Variants in ARHGAP18 observed in about 807,000 individuals in gnomAD.
The protein encoded by ARHGAP18 is rho GTPase-activating protein 18.
Under a neutral mutation model 86.2 loss-of-function variants are expected in ARHGAP18, and 67 were observed. That is an observed-to-expected ratio of 0.78 (90% CI 0.64 to 0.95). ARHGAP18 has a LOEUF of 0.95. ARHGAP18 is among the 40% of genes least tolerant of loss of function. ARHGAP18 has a pLI of 0.00. For synonymous variants in ARHGAP18, 283 were observed against 280.4 expected, an observed-to-expected ratio of 1.01 and a Z score of -0.09; for missense variants, 691 against 780.4, an observed-to-expected ratio of 0.89 and a Z score of 1.37.
chr6:129,687,539 T>G (rs562457665), intron 1 of ARHGAP18, among the ~76,000 whole-genome samples: 3 of 152,278 alleles, frequency 2.0e-5, no homozygotes, highest in Admixed American at 2.0e-4. Flanking sequence ...CTTCATTCTC[T>G]TCCCAGAACA....
chr6:129,665,953 C>T (rs975963572), intron 1 of ARHGAP18, among the ~76,000 whole-genome samples: 8 of 152,128 alleles, frequency 5.3e-5, no homozygotes, highest in Admixed American at 3.9e-4. Flanking sequence ...CTTTTAATTA[C>T]AAGCTACAGA....
chr6:129,625,757 T>TATTTA (rs1189409739), intron 5 of ARHGAP18, among the ~76,000 whole-genome samples: 1 of 61,014 alleles, frequency 1.6e-5, no homozygotes. Context: ...ATATTATATA[T>TATTTA]TTATATATTA....
intron 1 of ARHGAP18, among the ~76,000 whole-genome samples, chr6:129,661,323 A>AT (rs1773946997): frequency 6.6e-6 from 1 of 150,992 alleles, no homozygotes; most frequent in African/African-American, 2.4e-5. Context: ...AAAAAAAAAA[A>AT]AAAAAAAGTG....
intron 1 of ARHGAP18, among the ~76,000 whole-genome samples, chr6:129,664,476 A>G (rs1584100846): frequency 1.3e-5 from 2 of 152,056 alleles, no homozygotes; most frequent in East Asian, 3.8e-4. Context: ...AAATAGAGGA[A>G]TTTTCCCAGG....
At chr6:129,589,943 G>C (rs573695612) in intron 12 of ARHGAP18, among the ~76,000 whole-genome samples, 25 of 152,264 alleles carry the variant, frequency 1.6e-4, no homozygotes, top group Non-Finnish European at 3.1e-4. Context: ...TAAGTCCAAG[G>C]GTCCAAACAT....
chr6:129,688,179 C>T (rs1041011391), intron 1 of ARHGAP18, among the ~76,000 whole-genome samples: 7 of 152,204 alleles, frequency 4.6e-5, no homozygotes, highest in African/African-American at 1.7e-4. Context: ...CGTCAGCATC[C>T]TTACATATCA....
chr6:129,599,655 C>G (rs531591595), intron 11 of ARHGAP18, among the ~76,000 whole-genome samples: 1 of 152,146 alleles, frequency 6.6e-6, no homozygotes, highest in South Asian at 2.1e-4. Flanking sequence ...GACTGGAGAC[C>G]CCCTGAGGTG....
intron 1 of ARHGAP18, among the ~76,000 whole-genome samples, chr6:129,706,111 C>T (rs895721048): frequency 6.6e-6 from 1 of 152,188 alleles, no homozygotes; most frequent in Admixed American, 6.5e-5. Context: ...GGTTACTTGA[C>T]ATTCATATTA....
intron 7 of ARHGAP18, among the ~76,000 whole-genome samples, chr6:129,612,886 T>A (rs1346133916): frequency 1.3e-5 from 2 of 152,074 alleles, no homozygotes; most frequent in Non-Finnish European, 2.9e-5. Context: ...GATTTATTAT[T>A]AGGAAAAGAG....
chr6:129,702,692 A>G (rs530069664), intron 1 of ARHGAP18, among the ~76,000 whole-genome samples: 13 of 152,302 alleles, frequency 8.5e-5, no homozygotes, highest in African/African-American at 3.1e-4. Context: ...GCTCTTGGAC[A>G]GAACAGAATC....
intron 1 of ARHGAP18, among the ~76,000 whole-genome samples, chr6:129,670,408 G>A (rs1243375177): frequency 6.6e-6 from 1 of 152,076 alleles, no homozygotes; most frequent in Non-Finnish European, 1.5e-5. Context: ...GTGGAAGATG[G>A]AGAAATTCTC....
At chr6:129,614,659 G>T (rs1789055273) in intron 7 of ARHGAP18, among the ~76,000 whole-genome samples, 1 of 152,048 alleles carries the variant, frequency 6.6e-6, no homozygotes, top group African/African-American at 2.4e-5. Flanking sequence ...GTATTTCTGT[G>T]GTGTGATGGT....
intron 1 of ARHGAP18, among the ~76,000 whole-genome samples, chr6:129,694,571 C>A (rs1325886376): frequency 6.6e-6 from 1 of 152,186 alleles, no homozygotes; most frequent in Non-Finnish European, 1.5e-5. Flanking sequence ...ACATACACAA[C>A]AAAACTCCCA....
intron 1 of ARHGAP18, chr6:129,661,950 C>T: frequency 2.0e-6 from 2 of 981,948 alleles, no homozygotes. Context: ...CCAGGTGACA[C>T]TGTTGTCACT....
chr6:129,630,341 T>C (rs1378184628), intron 4 of ARHGAP18, among the ~76,000 whole-genome samples: 1 of 152,226 alleles, frequency 6.6e-6, no homozygotes, highest in African/African-American at 2.4e-5. Context: ...AATTTGATTA[T>C]TTGGTAAATT....
chr6:129,625,159 ATATAT>A lies in ARHGAP18; in HGVS notation c.786+4189_786+4193del, dbSNP rs1313347287. On this transcript the variant is annotated intron_variant, in intron 5 of 14. Transcript: ENST00000368149. ...GATATATATTATATATTATATAGAT[ATATAT>A]TATATATGATATATTATATATTATA... 4.7e-3 allele frequency among the ~76,000 whole-genome samples: 10 copies of A among 2,134 alleles called. 1 individual carries two copies. In the South Asian group the frequency reaches 0.065, roughly 14 times the overall value. The allele number at this position is 2,134 out of a possible 152,430, so 1.4% of individuals were successfully genotyped here. A position where few individuals can be genotyped will look rare whatever the true frequency, so the allele number is the denominator to read the frequency against.
intron 12 of ARHGAP18, among the ~76,000 whole-genome samples, chr6:129,588,667 T>G (rs1213667425): frequency 6.6e-6 from 1 of 152,176 alleles, no homozygotes; most frequent in Middle Eastern, 3.2e-3. Context: ...CTCTTATAGC[T>G]CCACTAGGCA....
At chr6:129,689,418 G>C (rs1156452001) in intron 1 of ARHGAP18, among the ~76,000 whole-genome samples, 1 of 152,122 alleles carries the variant, frequency 6.6e-6, no homozygotes, top group Non-Finnish European at 1.5e-5. Flanking sequence ...TCCACCTCCA[G>C]AGTAGCTTGG....
intron 12 of ARHGAP18, among the ~76,000 whole-genome samples, chr6:129,585,017 G>A (rs1177524891): frequency 7.4e-5 from 8 of 108,222 alleles, no homozygotes; most frequent in Admixed American, 7.4e-4. Context: ...ACAATATCAT[G>A]TCCTTTTTTT....
Sources: gnomAD v4.1 joint callset for allele counts (sites outside exome capture counted in the v4.1 genomes callset) on GRCh38, gnomAD v4.1.1 for gene constraint, MANE v1.5 for transcripts, NCBI Gene and HGNC (gene_info 2026-07-23, HGNC 2026-07-21) for gene names.